The following WSCD1 variants were observed in gnomAD, a reference collection of about 807,000 sequenced individuals.
WSCD1 encodes sialate:O-sulfotransferase 1.
Under a neutral mutation model 60.4 loss-of-function variants are expected in WSCD1, and 41 were observed. The observed-to-expected ratio is 0.68, with a 90% CI of 0.53 to 0.88. The LOEUF (loss-of-function observed/expected upper bound fraction) is 0.88. Ranked by LOEUF, WSCD1 falls within the 40% of genes least tolerant of loss-of-function variation. WSCD1 has a pLI of 0.00. For synonymous variants in WSCD1, 361 were observed against 332.5 expected, an observed-to-expected ratio of 1.09 and a Z score of -0.93; for missense variants, 784 against 796.2, an observed-to-expected ratio of 0.98 and a Z score of 0.18.
chr17:6,111,020 G>C, intron 7 of WSCD1, 85 bp downstream of exon 7: 1 of 1,487,682 alleles, frequency 6.7e-7, no homozygotes, highest in African/African-American at 1.4e-5. Context: ...CAGAGCACTA[G>C]AGCAGTGCAT....
At chr17:6,082,298 G>A (rs1188461480) in intron 2 of WSCD1, among the ~76,000 whole-genome samples, 3 of 152,178 alleles carry the variant, frequency 2.0e-5, no homozygotes, top group African/African-American at 4.8e-5. Flanking sequence ...GGCGCGGGAA[G>A]TGGGACAGGG....
chr17:6,099,464 G>A (rs1474086067), intron 5 of WSCD1, among the ~76,000 whole-genome samples: 1 of 151,114 alleles, frequency 6.6e-6, no homozygotes, highest in African/African-American at 2.4e-5. Flanking sequence ...GCAGTGAGCC[G>A]AGATCACACC....
chr17:6,100,092 G>T (rs375325989), intron 5 of WSCD1, among the ~76,000 whole-genome samples: 1 of 152,130 alleles, frequency 6.6e-6, no homozygotes, highest in East Asian at 1.9e-4. Context: ...TCTGGAGCAC[G>T]GAGAGGATGA....
At position 6,122,054 on chromosome 17, in the gene WSCD1, G is replaced by A. The variant is rs1904748475; in HGVS notation, c.*1393G>A. On this transcript the variant is annotated 3_prime_UTR_variant, in exon 9 of 9. Coordinates refer to ENST00000317744, the MANE Select transcript of WSCD1 (RefSeq NM_015253.2). Reference sequence around the variant, plus strand: ...TAGGATAACCCTGGCCAGGCCCCATGGTCCTGCTCTGGGTCAGCTGTCAGG... The same window carrying A: ...TAGGATAACCCTGGCCAGGCCCCATAGTCCTGCTCTGGGTCAGCTGTCAGG... 1 of 152,278 alleles carries A rather than the reference G, an allele frequency of 6.6e-6. No individual in the cohort carries two copies. Among genetic ancestry groups the A allele is most frequent in the Non-Finnish European group, 1.5e-5 (1 of 68,086 alleles). The allele number at this position is 152,278 out of a possible 1,614,324, so 9.4% of individuals were successfully genotyped here.
At chr17:6,109,298 T>A (rs1198113722) in intron 5 of WSCD1, among the ~76,000 whole-genome samples, 2 of 152,192 alleles carry the variant, frequency 1.3e-5, no homozygotes, top group Non-Finnish European at 2.9e-5. Flanking sequence ...GCCCCCTGCT[T>A]TCTGCACGTC....
intron 4 of WSCD1, 97 bp from the exon 5 acceptor site, chr17:6,095,005 A>G: frequency 6.6e-7 from 1 of 1,515,996 alleles, no homozygotes; most frequent in Non-Finnish European, 8.8e-7. Context: ...AAGTTTATTT[A>G]TACCTGTCTC....
chr17:6,081,786 G>A (rs1018679297), intron 2 of WSCD1: 2 of 152,160 alleles, frequency 1.3e-5, no homozygotes, highest in Non-Finnish European at 2.9e-5. Flanking sequence ...CGCCATTCCT[G>A]GGCTATTGTG....
At chr17:6,109,203 T>C (rs1911265980) in intron 5 of WSCD1, among the ~76,000 whole-genome samples, 1 of 152,170 alleles carries the variant, frequency 6.6e-6, no homozygotes, top group African/African-American at 2.4e-5. Flanking sequence ...TCCACTCATA[T>C]GGATGCCCCT....
intron 4 of WSCD1, among the ~76,000 whole-genome samples, chr17:6,091,924 A>T (rs777894871): frequency 1.3e-5 from 2 of 152,216 alleles, no homozygotes; most frequent in Non-Finnish European, 2.9e-5. Context: ...TGGGAGGCCA[A>T]GGCGGGCGAA....
rs201778312 is a variant in WSCD1, at chr17:6,080,678, G to T, written c.20G>T (p.Arg7Leu). MAKPFF[R>L]LQKFLRRTQF... ...AGGGGCATGGCCAAACCTTTCTTCC[G>T]ACTCCAGAAGTTTCTCCGCCGAACA... Residue 7 changes from arginine (R) to leucine (L), a missense_variant, in exon 2 of 9, where the codon CGA becomes CTA. Coordinates refer to ENST00000317744, the MANE Select transcript of WSCD1 (RefSeq NM_015253.2). This position sits in a 1 kb window ranked among gnomAD's most constrained non-coding sequence, Gnocchi z 6.6. 4.3e-6 allele frequency: 7 copies of T among 1,613,558 alleles called. No homozygotes were observed. In the African/African-American group the frequency reaches 9.3e-5, roughly 22 times the overall value.
chr17:6,072,080 C>T (rs1465261219), intron 1 of WSCD1, among the ~76,000 whole-genome samples: 1 of 152,218 alleles, frequency 6.6e-6, no homozygotes, highest in Non-Finnish European at 1.5e-5. Flanking sequence ...GCCATTTCCA[C>T]AGCTCCTCTG....
At position 6,118,053 on chromosome 17, in the gene WSCD1, G is replaced by T. The variant is rs1252736100; in HGVS notation, c.1240G>T (p.Gly414Cys). Residue 414 changes from glycine to cysteine, a missense_variant, in exon 8 of 9, where the codon GGC becomes TGC. Transcript: ENST00000317744. This position sits in a 1 kb window ranked among gnomAD's most constrained non-coding sequence, Gnocchi z 5.8. ...RTICVKTHESGRREIEMFDSA... is the reference protein window; with the variant it reads ...RTICVKTHESCRREIEMFDSA... Reference sequence around the variant, plus strand: ...CATCTGTGTCAAAACCCACGAGAGTGGCAGGAGGGAGATTGAGATGTTTGA... The same window carrying T: ...CATCTGTGTCAAAACCCACGAGAGTTGCAGGAGGGAGATTGAGATGTTTGA... The T allele has an allele frequency of 6.2e-7, 1 of 1,614,218 alleles. No individual in the cohort carries two copies. Among genetic ancestry groups the T allele is most frequent in the Admixed American group, 1.7e-5 (1 of 60,034 alleles).
At chr17:6,076,478 A>G (rs575401668) in intron 1 of WSCD1, among the ~76,000 whole-genome samples, 3 of 152,166 alleles carry the variant, frequency 2.0e-5, no homozygotes, top group Non-Finnish European at 4.4e-5. Context: ...CACCAGTGGC[A>G]CAGCTACTAC....
intron 2 of WSCD1, among the ~76,000 whole-genome samples, chr17:6,086,431 G>A (rs1161599758): frequency 1.3e-5 from 2 of 151,632 alleles, no homozygotes; most frequent in African/African-American, 4.9e-5. Flanking sequence ...CACCTCCTAG[G>A]TTCAAGTGAT....
intron 5 of WSCD1, among the ~76,000 whole-genome samples, chr17:6,100,291 A>T (rs566500394): frequency 5.9e-5 from 9 of 152,292 alleles, no homozygotes; most frequent in Non-Finnish European, 1.3e-4. Context: ...TCCTTCTGGG[A>T]TACAGCATTT....
intron 2 of WSCD1, among the ~76,000 whole-genome samples, chr17:6,084,319 A>G (rs1734545024): frequency 6.6e-6 from 1 of 152,218 alleles, no homozygotes; most frequent in African/African-American, 2.4e-5. Context: ...AGAATGGGGG[A>G]AGGCAGGGTG....
chr17:6,101,969 G>A lies in WSCD1; in HGVS notation c.849+6746G>A, dbSNP rs975110692. Among the ~76,000 whole-genome samples the A allele has an allele frequency of 5.3e-5, 8 of 152,222 alleles. No homozygotes were observed. The highest frequency in any genetic ancestry group is 1.9e-4 in the African/African-American group (8 of 41,452). On this transcript the variant is annotated intron_variant, in intron 5 of 8. Coordinates refer to ENST00000317744, the MANE Select transcript of WSCD1 (RefSeq NM_015253.2). This position sits in a 1 kb window ranked among gnomAD's most constrained non-coding sequence, Gnocchi z 4.1. ...TACTAATGTGAGACACTCCACCGGC[G>A]ATTATACCTTGTGATGTGAGGTTTG...
chr17:6,088,177 A>C, intron 3 of WSCD1, 73 bp downstream of exon 3: 2 of 1,293,324 alleles, frequency 1.5e-6, no homozygotes, highest in Non-Finnish European at 2.2e-6. Context: ...ATGAGGAGGC[A>C]TATCAGCTAC....
At chr17:6,069,290 C>T (rs997433668), upstream of WSCD1, 1 of 398,640 alleles carries the variant, frequency 2.5e-6, no homozygotes, top group Non-Finnish European at 4.4e-6. Context: ...GGGTGGGGCT[C>T]CTCCCTGGGA....
Sources: gnomAD v4.1 joint callset for allele counts (sites outside exome capture counted in the v4.1 genomes callset) on GRCh38, gnomAD v4.1.1 for gene constraint, Gnocchi (gnomAD v3.1) non-coding constraint, MANE v1.5 for transcripts, NCBI Gene and HGNC (gene_info 2026-07-23, HGNC 2026-07-21) for gene names.